SPOCK3: variants seen among roughly 807,000 people sequenced by gnomAD.
SPOCK3 encodes the protein SPARC (osteonectin), cwcv and kazal like domains proteoglycan 3.
In SPOCK3, 30 loss-of-function variants were observed where a neutral mutation model predicts 56.6. That is an observed-to-expected ratio of 0.53 (90% confidence interval 0.40 to 0.72). The LOEUF (loss-of-function observed/expected upper bound fraction) is 0.72. Ranked by LOEUF, SPOCK3 falls within the 30% of genes least tolerant of loss-of-function variation. The pLI, the probability that SPOCK3 is intolerant of heterozygous loss-of-function variation, is 0.00. For synonymous variants in SPOCK3, 196 were observed against 183.3 expected, an observed-to-expected ratio of 1.07 and a Z score of -0.56; for missense variants, 527 against 530.0, an observed-to-expected ratio of 0.99 and a Z score of 0.06.
At chr4:166,816,142 GTCT>G (rs1744353972) in intron 6 of SPOCK3, among the ~76,000 whole-genome samples, 1 of 152,056 alleles carries the variant, frequency 6.6e-6, no homozygotes, top group African/African-American at 2.4e-5. Context: ...GTCCTTTTCT[GTCT>G]TCTTTGGAAA....
At chr4:167,130,019 A>T (rs976928803) in intron 2 of SPOCK3, among the ~76,000 whole-genome samples, 1 of 152,116 alleles carries the variant, frequency 6.6e-6, no homozygotes, top group Non-Finnish European at 1.5e-5. Flanking sequence ...AAGGTTAATT[A>T]AAAAAATTTT....
intron 4 of SPOCK3, among the ~76,000 whole-genome samples, chr4:166,970,632 G>A (rs553863375): frequency 5.2e-4 from 79 of 152,178 alleles, no homozygotes; most frequent in African/African-American, 1.8e-3. Flanking sequence ...GCTGAGGCAA[G>A]GAGAATTGCT....
chr4:166,997,732 A>G (rs1457625198), intron 4 of SPOCK3, among the ~76,000 whole-genome samples: 1 of 152,184 alleles, frequency 6.6e-6, no homozygotes, highest in Non-Finnish European at 1.5e-5. Context: ...GAAATTCTAA[A>G]GCAATGGAGA....
intron 2 of SPOCK3, among the ~76,000 whole-genome samples, chr4:167,067,519 T>C (rs992946605): frequency 6.6e-6 from 1 of 151,802 alleles, no homozygotes; most frequent in Non-Finnish European, 1.5e-5. Context: ...GACAGTCCAG[T>C]TCTGGGTGGG....
chr4:167,062,498 C>G lies in SPOCK3; in HGVS notation c.229G>C (p.Asp77His). Residue 77 changes from aspartate (D) to histidine (H), a missense_variant, in exon 3 of 11, where the codon GAT (aspartate) becomes CAT (histidine). Transcript: ENST00000357545. Reference protein sequence around the residue: ...FRTWSPGKPFDQALDPAKDPC... With the variant: ...FRTWSPGKPFHQALDPAKDPC... ...AAAATAGTTAGATTCTTACCCTGATCGAAGGGTTTTCCTGGACTCCAAGTG... is the reference window on the plus strand; with the variant it reads ...AAAATAGTTAGATTCTTACCCTGATGGAAGGGTTTTCCTGGACTCCAAGTG... 1 of 1,601,720 alleles carries G rather than the reference C, an allele frequency of 6.2e-7. No homozygotes were observed.
intron 5 of SPOCK3, among the ~76,000 whole-genome samples, chr4:166,899,442 C>T (rs1210238058): frequency 6.6e-6 from 1 of 151,692 alleles, no homozygotes; most frequent in African/African-American, 2.4e-5. Context: ...TATTACACCT[C>T]TGTCAGAAGA....
chr4:166,816,278 A>T lies in SPOCK3; in HGVS notation c.590-23989T>A, dbSNP rs1394905041. 6.6e-5 allele frequency among the ~76,000 whole-genome samples: 10 copies of T among 152,040 alleles called. 1 individual carries two copies. Reference sequence around the variant, plus strand: ...AAAAATGAATAGGCTTTGTTCACAGATTCTATTTCAACTGTGTATATGTAT... The same window carrying T: ...AAAAATGAATAGGCTTTGTTCACAGTTTCTATTTCAACTGTGTATATGTAT... On this transcript the variant is annotated intron_variant, in intron 6 of 10. Coordinates refer to ENST00000357545, the MANE Select transcript of SPOCK3 (RefSeq NM_001040159.2).
At chr4:166,899,288 A>ATCTG (rs768120620) in intron 5 of SPOCK3, among the ~76,000 whole-genome samples, 1 of 144,972 alleles carries the variant, frequency 6.9e-6, no homozygotes, top group Non-Finnish European at 1.5e-5. Flanking sequence ...CTATCTATCT[A>ATCTG]TCTATCTATC....
chr4:166,823,960 G>A (rs184801702), intron 6 of SPOCK3, among the ~76,000 whole-genome samples: 4 of 152,150 alleles, frequency 2.6e-5, no homozygotes, highest in East Asian at 1.9e-4. Flanking sequence ...GCTGTTATCG[G>A]TTAATGAGAC....
chr4:167,057,958 C>G (rs1400009614), intron 3 of SPOCK3, among the ~76,000 whole-genome samples: 2 of 152,146 alleles, frequency 1.3e-5, no homozygotes, highest in Non-Finnish European at 2.9e-5. Flanking sequence ...CTACAGAACT[C>G]TCCACCCCAA....
intron 2 of SPOCK3, among the ~76,000 whole-genome samples, chr4:167,116,653 C>CATAT (rs1761398516): frequency 1.4e-5 from 1 of 71,418 alleles, no homozygotes; most frequent in Non-Finnish European, 2.5e-5. Flanking sequence ...TATATATACA[C>CATAT]ATATATACGT....
chr4:167,009,500 C>A (rs1236866432), intron 3 of SPOCK3, among the ~76,000 whole-genome samples: 1 of 152,098 alleles, frequency 6.6e-6, no homozygotes, highest in Non-Finnish European at 1.5e-5. Context: ...TAAAAAAATT[C>A]AAGCTCATAA....
intron 3 of SPOCK3, among the ~76,000 whole-genome samples, chr4:167,052,578 C>G (rs1754338154): frequency 6.6e-6 from 1 of 152,126 alleles, no homozygotes; most frequent in Non-Finnish European, 1.5e-5. Context: ...ATCATGTAAT[C>G]ATCCTTGCAT....
chr4:167,105,749 T>C (rs1185792479), intron 2 of SPOCK3, among the ~76,000 whole-genome samples: 3 of 151,768 alleles, frequency 2.0e-5, no homozygotes, highest in Non-Finnish European at 4.4e-5. Context: ...ACAAGGAACA[T>C]GCTTTACCTG....
intron 2 of SPOCK3, among the ~76,000 whole-genome samples, chr4:167,182,953 T>C (rs1731624384): frequency 6.6e-6 from 1 of 152,192 alleles, no homozygotes; most frequent in African/African-American, 2.4e-5. Flanking sequence ...GCCTATCCCT[T>C]AACTTTGCAT....
chr4:166,822,444 A>G (rs781394770), intron 6 of SPOCK3, among the ~76,000 whole-genome samples: 1 of 152,004 alleles, frequency 6.6e-6, no homozygotes, highest in Non-Finnish European at 1.5e-5. Flanking sequence ...TATTATTTTT[A>G]AATGTCTCTG....
intron 2 of SPOCK3, among the ~76,000 whole-genome samples, chr4:167,069,545 A>T (rs901925212): frequency 4.6e-5 from 7 of 151,926 alleles, no homozygotes; most frequent in Admixed American, 2.0e-4. Flanking sequence ...TTGTTGCAGA[A>T]CAACGACTAG....
intron 6 of SPOCK3, among the ~76,000 whole-genome samples, chr4:166,838,098 C>A (rs1223165548): frequency 1.3e-5 from 2 of 151,874 alleles, no homozygotes; most frequent in Non-Finnish European, 2.9e-5. Flanking sequence ...TTCCCAGATT[C>A]TTTCTTCATC....
At chr4:167,196,588 A>G (rs1732976447) in intron 2 of SPOCK3, among the ~76,000 whole-genome samples, 1 of 152,060 alleles carries the variant, frequency 6.6e-6, no homozygotes, top group Non-Finnish European at 1.5e-5. Context: ...TGTTTACAAG[A>G]TGAATCATCT....
Sources: gnomAD v4.1 joint callset for allele counts (sites outside exome capture counted in the v4.1 genomes callset) on GRCh38, gnomAD v4.1.1 for gene constraint, MANE v1.5 for transcripts, NCBI Gene and HGNC (gene_info 2026-07-23, HGNC 2026-07-21) for gene names.